PDE4B: variants seen among roughly 807,000 people sequenced by gnomAD.
PDE4B encodes phosphodiesterase 4B.
A neutral mutation model predicts 82.2 loss-of-function variants in PDE4B; 20 were observed. That is an observed-to-expected ratio of 0.24 (90% CI 0.17 to 0.35). The LOEUF is 0.35. PDE4B is among the 10% of genes least tolerant of loss of function. The pLI is 1.00. For missense variants in PDE4B, 655 were observed against 907.2 expected (o/e 0.72, Z 3.57); for synonymous variants, 320 against 318.9 (o/e 1.00, Z -0.04).
At chr1:66,145,063 T>C (rs143155659) in intron 3 of PDE4B, among the ~76,000 whole-genome samples, 3 of 152,348 alleles carry the variant, frequency 2.0e-5, no homozygotes, top group East Asian at 3.9e-4. Context: ...AGTAGCAATC[T>C]ACAAACTTGA....
intron 3 of PDE4B, among the ~76,000 whole-genome samples, chr1:66,019,202 CTA>C (rs928411920): frequency 4.6e-5 from 7 of 152,040 alleles, no homozygotes; most frequent in Admixed American, 1.3e-4. Context: ...TTCTTTTCAC[CTA>C]CAAATAATCA....
At chr1:66,134,339 C>T (rs1646012657) in intron 3 of PDE4B, among the ~76,000 whole-genome samples, 1 of 152,184 alleles carries the variant, frequency 6.6e-6, no homozygotes, top group African/African-American at 2.4e-5. Flanking sequence ...GAAGTGGTAC[C>T]TAGAAGAGCA....
intron 7 of PDE4B, among the ~76,000 whole-genome samples, chr1:66,296,406 G>A (rs1045711144): frequency 6.6e-6 from 1 of 152,176 alleles, no homozygotes; most frequent in Non-Finnish European, 1.5e-5. Flanking sequence ...TTTAGTTGAT[G>A]TGCTGACCCT....
intron 3 of PDE4B, among the ~76,000 whole-genome samples, chr1:66,092,779 G>A (rs1173659709): frequency 6.6e-6 from 1 of 151,896 alleles, no homozygotes; most frequent in Non-Finnish European, 1.5e-5. Flanking sequence ...GGGTGTGGGT[G>A]GGGAACAGCA....
chr1:66,167,759 A>T (rs17128477), intron 3 of PDE4B, among the ~76,000 whole-genome samples: 4,155 of 152,316 alleles, frequency 0.027, 196 homozygotes, highest in African/African-American at 0.094. Context: ...TTATGGTGGT[A>T]AATTAGCGTG....
In PDE4B at chr1:66,361,672, A is replaced by C; in HGVS notation, c.899A>C (p.Lys300Thr). The C allele has an allele frequency of 6.2e-7, 1 of 1,613,690 alleles. No homozygotes were observed. ...SPTQKDREKK[K>T]KQQLMTQISG... The stretch of plus-strand genomic sequence containing the variant: ...ACCCAGAAAGACAGGGAGAAAAAGA[A>C]AAAGCAGCAGCTCATGACCCAGATA... Residue 300 changes from lysine to threonine, a missense_variant, in exon 10 of 17, where the codon AAA (lysine) becomes ACA (threonine). Coordinates refer to ENST00000341517, the MANE Select transcript of PDE4B (RefSeq NM_002600.4).
intron 1 of PDE4B, among the ~76,000 whole-genome samples, chr1:65,873,892 T>C (rs1261588943): frequency 6.6e-6 from 1 of 152,056 alleles, no homozygotes; most frequent in Admixed American, 6.6e-5. Context: ...ATTGACTTGG[T>C]GATGCGGGCT....
intron 6 of PDE4B, among the ~76,000 whole-genome samples, chr1:66,264,183 T>A (rs1311530162): frequency 1.3e-5 from 2 of 152,176 alleles, no homozygotes; most frequent in East Asian, 3.9e-4. Flanking sequence ...TGGTCTGAGA[T>A]GAAATGTCAG....
At chr1:66,210,734 A>C (rs1649978491) in intron 3 of PDE4B, among the ~76,000 whole-genome samples, 4 of 152,120 alleles carry the variant, frequency 2.6e-5, no homozygotes, top group African/African-American at 9.7e-5. Flanking sequence ...AACAGGCAGG[A>C]GCAAGAAAAA....
chr1:66,367,479 C>A, intron 13 of PDE4B: 1 of 404,460 alleles, frequency 2.5e-6, no homozygotes, highest in Non-Finnish European at 4.4e-6. Context: ...GAATTTTAAT[C>A]ACAGGGAAAG....
At chr1:66,172,757 T>C (rs1355766924) in intron 3 of PDE4B, among the ~76,000 whole-genome samples, 5 of 132,650 alleles carry the variant, frequency 3.8e-5, no homozygotes, top group African/African-American at 1.5e-4. Context: ...TTCTTTCCTT[T>C]TTTCATCTCC....
At chr1:65,828,163 T>C (rs1646040351) in intron 1 of PDE4B, among the ~76,000 whole-genome samples, 1 of 131,742 alleles carries the variant, frequency 7.6e-6, no homozygotes, top group Non-Finnish European at 1.7e-5. Flanking sequence ...GAATGTCATA[T>C]AGATCAAAAA....
intron 1 of PDE4B, among the ~76,000 whole-genome samples, chr1:65,883,395 G>T (rs2100350346): frequency 6.6e-6 from 1 of 152,168 alleles, no homozygotes; most frequent in Middle Eastern, 3.4e-3. Context: ...TAGATTCCTA[G>T]GTATTTTATT....
At chr1:66,103,585 T>A (rs574170844) in intron 3 of PDE4B, among the ~76,000 whole-genome samples, 154 of 152,226 alleles carry the variant, frequency 1.0e-3, no homozygotes, top group African/African-American at 3.6e-3. Context: ...ATCATGGCAA[T>A]CCTTTTAAAC....
At chr1:65,833,884 T>G (rs974143688) in intron 1 of PDE4B, among the ~76,000 whole-genome samples, 1 of 152,190 alleles carries the variant, frequency 6.6e-6, no homozygotes, top group African/African-American at 2.4e-5. Context: ...GTAATGACAC[T>G]CAAAATGCAT....
intron 3 of PDE4B, among the ~76,000 whole-genome samples, chr1:66,062,461 T>G (rs1450095123): frequency 2.6e-5 from 4 of 152,050 alleles, no homozygotes; most frequent in African/African-American, 4.8e-5. Context: ...AAATTAGGCT[T>G]TTTCTGCATG....
At chr1:66,358,782 A>G (rs147920045) in intron 9 of PDE4B, among the ~76,000 whole-genome samples, 3 of 152,276 alleles carry the variant, frequency 2.0e-5, no homozygotes, top group African/African-American at 7.2e-5. Flanking sequence ...TTAGCAATTT[A>G]CCTTAAACTT....
Position 65,913,344 on chromosome 1 carries a change from G to T in PDE4B, c.30G>T (p.Val10=). The change falls in exon 2 of 17, where the codon GTG becomes GTT. Residue 10 remains valine, a synonymous_variant. Coordinates refer to ENST00000341517, the MANE Select transcript of PDE4B (RefSeq NM_002600.4). The stretch of plus-strand genomic sequence containing the variant: ...AGAAAAGCAGGAGTGTGATGACGGT[G>T]ATGGCTGATGATGTAAGTTTCAAAA... MKKSRSVMT[V]MADDNVKDYF... 4.3e-6 allele frequency: 7 copies of T among 1,613,712 alleles called. No homozygotes were observed. The highest frequency in any genetic ancestry group is 5.9e-6 in the Non-Finnish European group (7 of 1,179,646).
chr1:66,161,928 C>T (rs1322269662), intron 3 of PDE4B, among the ~76,000 whole-genome samples: 1 of 152,112 alleles, frequency 6.6e-6, no homozygotes, highest in African/African-American at 2.4e-5. Context: ...TCTCTTGGAT[C>T]CTTTGTTCTA....
Sources: gnomAD v4.1 joint callset for allele counts (sites outside exome capture counted in the v4.1 genomes callset) on GRCh38, gnomAD v4.1.1 for gene constraint, MANE v1.5 for transcripts, NCBI Gene and HGNC (gene_info 2026-07-23, HGNC 2026-07-21) for gene names.